CYP27C1: variants seen among roughly 807,000 people sequenced by gnomAD.
CYP27C1 encodes the protein cytochrome P450 27C1.
In CYP27C1, 29 loss-of-function variants were observed where a neutral mutation model predicts 40.6. The observed-to-expected ratio is 0.71, with a 90% confidence interval of 0.53 to 0.97. CYP27C1 has a LOEUF of 0.97. Among genes scored for constraint, CYP27C1 ranks in the 50% least tolerant of loss-of-function variants. The probability of loss-of-function intolerance (pLI) is 0.00; values close to 1 mark genes in which losing one functional copy is unlikely to be tolerated. For missense variants in CYP27C1, 390 were observed against 485.8 expected (o/e 0.80, Z 1.85); for synonymous variants, 198 against 186.8 (o/e 1.06, Z -0.49).
chr2:127,185,146 A>G lies in CYP27C1; in HGVS notation c.*2125T>C, dbSNP rs1682589939. ...CCATGGAGTTTTGACATCTCCCTGTATACCACATATTTCCTATAAACCAGT... is the reference window on the plus strand; with the variant it reads ...CCATGGAGTTTTGACATCTCCCTGTGTACCACATATTTCCTATAAACCAGT... On this transcript the variant is annotated 3_prime_UTR_variant, in exon 9 of 9. Coordinates refer to ENST00000664447, the MANE Select transcript of CYP27C1 (RefSeq NM_001367502.1). The surrounding 1 kb of genome is among the most constrained non-coding windows in gnomAD (Gnocchi z 4.9). 6.6e-6 allele frequency: 1 copy of G among 152,208 alleles called. No individual in the cohort carries two copies. Among genetic ancestry groups the G allele is most frequent in the African/African-American group, 2.4e-5 (1 of 41,430 alleles). The allele number at this position is 152,208 out of a possible 1,614,324, so 9.4% of individuals were successfully genotyped here. A position where few individuals can be genotyped will look rare whatever the true frequency, so the allele number is the denominator to read the frequency against.
chr2:127,215,128 C>CAA (rs3033461), intron 1 of CYP27C1, among the ~76,000 whole-genome samples: 2 of 121,004 alleles, frequency 1.7e-5, no homozygotes, highest in Non-Finnish European at 3.5e-5. Flanking sequence ...GACTCCATCT[C>CAA]AAAAAAAAAA....
Position 127,195,383 on chromosome 2 carries a change from T to C in CYP27C1, c.1166A>G (p.Asp389Gly), listed in dbSNP as rs1259428974. ...LGERHVPTAA[D>G]VPKVPLVRAL... is the part of the protein sequence containing the mutation. ...TCTGACCAGCGGGACCTTGGGGACATCAGCTGCAGTTGGAACATGCCTTTC... is the reference window on the plus strand; with the variant it reads ...TCTGACCAGCGGGACCTTGGGGACACCAGCTGCAGTTGGAACATGCCTTTC... Residue 389 changes from aspartate (D) to glycine (G), a missense_variant, in exon 6 of 9, where the codon GAT (aspartate) becomes GGT (glycine). Coordinates refer to ENST00000664447, the MANE Select transcript of CYP27C1 (RefSeq NM_001367502.1). The surrounding 1 kb of genome is among the most constrained non-coding windows in gnomAD (Gnocchi z 6.2). 6.2e-7 allele frequency: 1 copy of C among 1,614,130 alleles called. No homozygotes were observed. Among genetic ancestry groups the C allele is most frequent in the East Asian group, 2.2e-5 (1 of 44,868 alleles).
At chr2:127,192,994 C>A in intron 8 of CYP27C1, 100 bp downstream of exon 8, 4 of 1,465,122 alleles carry the variant, frequency 2.7e-6, no homozygotes, top group Non-Finnish European at 3.7e-6. Flanking sequence ...TCTTAAGTTT[C>A]CAAAACCGTC....
Position 127,195,407 on chromosome 2 carries a change from T to TC in CYP27C1, c.1141dup (p.Glu381GlyfsTer9), listed in dbSNP as rs1420455506. The TC allele has an allele frequency of 6.2e-7, 1 of 1,614,092 alleles. No individual in the cohort carries two copies. Among genetic ancestry groups the TC allele is most frequent in the Non-Finnish European group, 8.5e-7 (1 of 1,180,016 alleles). On this transcript the variant is annotated frameshift_variant, in exon 6 of 9. Coordinates refer to ENST00000664447, the MANE Select transcript of CYP27C1 (RefSeq NM_001367502.1). LOFTEE classifies it high-confidence loss of function. The surrounding 1 kb of genome is among the most constrained non-coding windows in gnomAD (Gnocchi z 6.2). The stretch of plus-strand genomic sequence containing the variant: ...ATCAGCTGCAGTTGGAACATGCCTT[T>TC]CCCCTAAATTCTTCACAATCTCCCG...
rs1054186500 is a variant in CYP27C1 at position 127,201,897 on chromosome 2, C to T, written c.674-566G>A. On this transcript the variant is annotated intron_variant, in intron 3 of 8. Transcript: ENST00000664447. The surrounding 1 kb of genome is among the most constrained non-coding windows in gnomAD (Gnocchi z 6.0). ...AGAGCTAAAGGCGCAGCAGAAGTGG[C>T]CTGGATGAATCCGTGTCGGGCAGAG... Among the ~76,000 whole-genome samples, 7 of 152,274 alleles carry T rather than the reference C, an allele frequency of 4.6e-5. No homozygotes were observed. In the South Asian group the frequency reaches 1.2e-3, roughly 27 times the overall value.
At chr2:127,198,962 T>G (rs999218847) in intron 5 of CYP27C1, among the ~76,000 whole-genome samples, 1 of 152,182 alleles carries the variant, frequency 6.6e-6, no homozygotes, top group African/African-American at 2.4e-5. Flanking sequence ...AGTACAAACA[T>G]GAACAGTGTG....
rs1007549510 is a variant in CYP27C1, at chr2:127,196,981, G to A, written c.1048-1480C>T. 5.9e-5 allele frequency among the ~76,000 whole-genome samples: 9 copies of A among 152,124 alleles called. No homozygotes were observed. The highest frequency in any genetic ancestry group is 1.9e-4 in the African/African-American group (8 of 41,416). ...GAGTTGACTATGCATAAGTTATACC[G>A]CAATAAAATCATACTAATTTTTAAA... On this transcript the variant is annotated intron_variant, in intron 5 of 8. Coordinates refer to ENST00000664447, the MANE Select transcript of CYP27C1 (RefSeq NM_001367502.1). The surrounding 1 kb of genome is among the most constrained non-coding windows in gnomAD (Gnocchi z 4.5).
At position 127,199,393 on chromosome 2, in the gene CYP27C1, G is replaced by A; in HGVS notation, c.1030C>T (p.Leu344=). The change falls in exon 5 of 9, where the codon CTG becomes TTG. Residue 344 remains leucine (L), a synonymous_variant. Coordinates refer to ENST00000664447, the MANE Select transcript of CYP27C1 (RefSeq NM_001367502.1). ...EIYANVTEML[L]AGVDTTSFTL... The stretch of plus-strand genomic sequence containing the variant: ...AGACTCACCGTGTCGACGCCGGCCA[G>A]CAGCATCTCAGTCACGTTGGCGTAG... 2 of 1,614,102 alleles carry A rather than the reference G, an allele frequency of 1.2e-6. No individual in the cohort carries two copies. Among genetic ancestry groups the A allele is most frequent in the Non-Finnish European group, 1.7e-6 (2 of 1,179,970 alleles).
intron 8 of CYP27C1, among the ~76,000 whole-genome samples, chr2:127,190,231 C>CA (rs1002969027): frequency 6.1e-5 from 9 of 147,902 alleles, no homozygotes; most frequent in South Asian, 4.3e-4. Context: ...AATTCATTGG[C>CA]AAAAAAACTG....
In CYP27C1 at chr2:127,219,116, T is replaced by G. The variant is rs1044786768; in HGVS notation, c.282+873A>C. Among the ~76,000 whole-genome samples, 1 of 150,238 alleles carries G rather than the reference T, an allele frequency of 6.7e-6. No homozygotes were observed. The highest frequency in any genetic ancestry group is 2.0e-4 in the East Asian group (1 of 5,110). ...GAGCCTCCGAGCCTCCGTCCCCTCTTCCCCCGCCATTACAAAATACAAAAA... is the reference window on the plus strand; with the variant it reads ...GAGCCTCCGAGCCTCCGTCCCCTCTGCCCCCGCCATTACAAAATACAAAAA... On this transcript the variant is annotated intron_variant, in intron 1 of 8. Coordinates refer to ENST00000664447, the MANE Select transcript of CYP27C1 (RefSeq NM_001367502.1). This position sits in a 1 kb window ranked among gnomAD's most constrained non-coding sequence, Gnocchi z 8.7.
Position 127,199,478 on chromosome 2 carries a change from C to T in CYP27C1, c.945G>A (p.Arg315=), listed in dbSNP as rs1160405926. The change falls in exon 5 of 9, where the codon AGG becomes AGA. Residue 315 remains arginine, a synonymous_variant. Transcript: ENST00000664447. ...GGTATGTGAGAAGTCCCCCGCTCAC[C>T]CTCCGGCCTCGGTCCATTTGGTACT... ...DIQYQMDRGR[R]VSGGLLTYLF... is the part of the protein sequence containing the mutation. 1 of 1,614,094 alleles carries T rather than the reference C, an allele frequency of 6.2e-7. No individual in the cohort carries two copies. Among genetic ancestry groups the T allele is most frequent in the African/African-American group, 1.3e-5 (1 of 74,930 alleles).
Position 127,199,502 on chromosome 2 carries a change from C to G in CYP27C1, c.921G>C (p.Gln307His). The change falls in exon 5 of 9, where the codon CAG becomes CAC. Residue 307 changes from glutamine to histidine, a missense_variant. Gln to His is a conservative substitution (Grantham distance 24). Transcript: ENST00000664447. Reference sequence around the variant, plus strand: ...CCCTCCGGCCTCGGTCCATTTGGTACTGTATGTCCCTCAACTTGTTGTCAA... The same window carrying G: ...CCCTCCGGCCTCGGTCCATTTGGTAGTGTATGTCCCTCAACTTGTTGTCAA... ...IHVDNKLRDI[Q>H]YQMDRGRRVS... The G allele has an allele frequency of 6.2e-7, 1 of 1,614,032 alleles. No homozygotes were observed. The highest frequency in any genetic ancestry group is 2.2e-5 in the East Asian group (1 of 44,890).
At position 127,195,440 on chromosome 2, in the gene CYP27C1, G is replaced by A. The variant is rs569403160; in HGVS notation, c.1109C>T (p.Thr370Met). The A allele has an allele frequency of 5.1e-5, 82 of 1,614,102 alleles. No individual in the cohort carries two copies. Among genetic ancestry groups the A allele is most frequent in the South Asian group, 1.4e-4 (13 of 91,086 alleles). The change falls in exon 6 of 9, where the codon ACG (threonine) becomes ATG (methionine). Residue 370 changes from threonine (T) to methionine (M), a missense_variant. Transcript: ENST00000664447. This position sits in a 1 kb window ranked among gnomAD's most constrained non-coding sequence, Gnocchi z 6.2. The part of the protein sequence containing the change: ...LLARHPEVQQ[T>M]VYREIVKNLG... ...ATTCTTCACAATCTCCCGGTACACC[G>A]TCTGCTGCACTTCTGGGTGCCTTGC...
In CYP27C1 at chr2:127,209,741, C is replaced by T. The variant is rs565057739; in HGVS notation, c.283-3651G>A. ...CATACACAGGTATCAACAGCCAAATCGACCAAGTGGAAGAAAGGATATCAG... is the reference window on the plus strand; with the variant it reads ...CATACACAGGTATCAACAGCCAAATTGACCAAGTGGAAGAAAGGATATCAG... On this transcript the variant is annotated intron_variant, in intron 1 of 8. Transcript: ENST00000664447. This position sits in a 1 kb window ranked among gnomAD's most constrained non-coding sequence, Gnocchi z 4.1. Among the ~76,000 whole-genome samples, 99 of 152,122 alleles carry T rather than the reference C, an allele frequency of 6.5e-4. 1 individual carries two copies. Among genetic ancestry groups the T allele is most frequent in the African/African-American group, 2.2e-3 (91 of 41,478 alleles).
intron 1 of CYP27C1, among the ~76,000 whole-genome samples, 99 bp from the exon 2 acceptor site, chr2:127,206,189 C>T (rs1683225816): frequency 3.3e-5 from 5 of 152,166 alleles, no homozygotes; most frequent in Admixed American, 3.3e-4. Flanking sequence ...AAAATTGGGG[C>T]AGAGGGAAGT....
chr2:127,205,502 G>A (rs1431054822), intron 2 of CYP27C1, among the ~76,000 whole-genome samples: 1 of 152,174 alleles, frequency 6.6e-6, no homozygotes, highest in Non-Finnish European at 1.5e-5. Flanking sequence ...GACCAAGGCT[G>A]GAGGTTCTTA....
intron 1 of CYP27C1, among the ~76,000 whole-genome samples, chr2:127,216,594 G>C (rs184329194): frequency 3.9e-5 from 6 of 152,182 alleles, no homozygotes; most frequent in African/African-American, 1.4e-4. Flanking sequence ...ATTTCTTTTT[G>C]AGGTCATGAA....
chr2:127,202,482 A>G (rs1317764216), intron 3 of CYP27C1, among the ~76,000 whole-genome samples: 1 of 152,234 alleles, frequency 6.6e-6, no homozygotes, highest in Non-Finnish European at 1.5e-5. Flanking sequence ...TGTTTGGTGT[A>G]CTACCCTTTA....
Position 127,187,137 on chromosome 2 carries a change from C to T in CYP27C1, c.*134G>A, listed in dbSNP as rs73953278. ...ATAAAGATTTACAAGTGTCCCAGGA[C>T]CTGGGAGGCCAGTCTATAACAAGAC... is the stretch of plus-strand genomic sequence containing the variant. On this transcript the variant is annotated 3_prime_UTR_variant, in exon 9 of 9. Transcript: ENST00000664447. The T allele has an allele frequency of 2.5e-3, 1,848 of 728,184 alleles. 16 individuals are homozygous for T. In the African/African-American group the frequency reaches 0.028, roughly 11 times the overall value. The allele number at this position is 728,184 out of a possible 1,614,324, so 45.1% of individuals were successfully genotyped here.
Sources: gnomAD v4.1 joint callset for allele counts (sites outside exome capture counted in the v4.1 genomes callset) on GRCh38, gnomAD v4.1.1 for gene constraint, Gnocchi (gnomAD v3.1) non-coding constraint, MANE v1.5 for transcripts, NCBI Gene and HGNC (gene_info 2026-07-23, HGNC 2026-07-21) for gene names.